ACYP2: variants seen among roughly 807,000 people sequenced by gnomAD.
The protein encoded by ACYP2 is acylphosphatase-2.
A neutral mutation model predicts 11.2 loss-of-function variants in ACYP2; 12 were observed. The ratio of observed to expected loss-of-function variants is 1.08; its 90% CI spans 0.69 to 1.74. The LOEUF (loss-of-function observed/expected upper bound fraction) is 1.74. Ranked by LOEUF, ACYP2 falls within the 40% of genes most tolerant of loss-of-function variation. The probability of loss-of-function intolerance (pLI) is 0.00; values close to 1 mark genes in which losing one functional copy is unlikely to be tolerated. For synonymous variants in ACYP2, 43 were observed against 32.2 expected, an observed-to-expected ratio of 1.33 and a Z score of -1.13; for missense variants, 134 against 101.9, an observed-to-expected ratio of 1.31 and a Z score of -1.35.
At chr2:54,264,055 G>A (rs1405314290) in intron 6 of ACYP2, among the ~76,000 whole-genome samples, 1 of 152,186 alleles carries the variant, frequency 6.6e-6, no homozygotes, top group African/African-American at 2.4e-5. Flanking sequence ...TGGTCTCACT[G>A]ACTTCAAGAA....
chr2:54,012,303 C>T (rs999528339), intron 2 of ACYP2, among the ~76,000 whole-genome samples: 1 of 151,140 alleles, frequency 6.6e-6, no homozygotes, highest in Non-Finnish European at 1.5e-5. Flanking sequence ...TTTAGGAGTT[C>T]AAGACCAGTC....
intron 4 of ACYP2, among the ~76,000 whole-genome samples, chr2:54,064,833 C>T (rs1253700984): frequency 6.6e-6 from 1 of 152,110 alleles, no homozygotes; most frequent in African/African-American, 2.4e-5. Flanking sequence ...CGCCTGTAAT[C>T]CCAGCACTTT....
chr2:54,084,236 G>A (rs919952983), intron 4 of ACYP2, among the ~76,000 whole-genome samples: 11 of 152,134 alleles, frequency 7.2e-5, no homozygotes, highest in African/African-American at 2.7e-4. Context: ...TATCCATTTA[G>A]GGAATGTCAG....
intron 6 of ACYP2, among the ~76,000 whole-genome samples, chr2:54,300,866 A>G (rs538766983): frequency 1.3e-5 from 2 of 152,354 alleles, no homozygotes; most frequent in African/African-American, 4.8e-5. Flanking sequence ...ACTACTGGAT[A>G]TTATCAAGCT....
intron 6 of ACYP2, among the ~76,000 whole-genome samples, chr2:54,228,333 C>T (rs1159371140): frequency 1.3e-5 from 2 of 152,182 alleles, no homozygotes; most frequent in African/African-American, 4.8e-5. Context: ...CAACAGCTAA[C>T]ATTTATTAAG....
chr2:54,224,252 G>C (rs182054079), intron 6 of ACYP2, among the ~76,000 whole-genome samples: 348 of 152,348 alleles, frequency 2.3e-3, no homozygotes, highest in African/African-American at 8.2e-3. Context: ...GCTTGTACCT[G>C]TGTTCAGCAG....
chr2:53,980,528 G>A (rs1671699901), intron 2 of ACYP2, among the ~76,000 whole-genome samples: 1 of 152,002 alleles, frequency 6.6e-6, no homozygotes, highest in African/African-American at 2.4e-5. Context: ...ATCAGGCTGG[G>A]CAACGTGGTG....
intron 6 of ACYP2, among the ~76,000 whole-genome samples, chr2:54,210,272 C>G (rs1180637043): frequency 6.6e-6 from 1 of 151,932 alleles, no homozygotes; most frequent in Non-Finnish European, 1.5e-5. Context: ...AGATCCCATC[C>G]TCTTTTAGAA....
At chr2:54,150,330 G>A (rs375632976) in intron 6 of ACYP2, among the ~76,000 whole-genome samples, 132 of 152,326 alleles carry the variant, frequency 8.7e-4, no homozygotes, top group African/African-American at 2.8e-3. Context: ...CAGACAAGCC[G>A]AGGGTGTTGT....
intron 6 of ACYP2, among the ~76,000 whole-genome samples, chr2:54,252,184 C>G (rs1271099235): frequency 2.6e-5 from 4 of 152,204 alleles, no homozygotes; most frequent in Admixed American, 6.5e-5. Flanking sequence ...TGTACTCTGT[C>G]TGGCTTCTTA....
At chr2:54,049,271 A>G (rs1474627492) in intron 2 of ACYP2, among the ~76,000 whole-genome samples, 1 of 151,998 alleles carries the variant, frequency 6.6e-6, no homozygotes, top group Non-Finnish European at 1.5e-5. Flanking sequence ...AAAAATAATA[A>G]TAATAATAAT....
chr2:54,219,328 A>G (rs1316131579), intron 6 of ACYP2, among the ~76,000 whole-genome samples: 1 of 152,146 alleles, frequency 6.6e-6, no homozygotes, highest in African/African-American at 2.4e-5. Context: ...GAATCATTAG[A>G]CCAGCTTAGC....
intron 6 of ACYP2, among the ~76,000 whole-genome samples, chr2:54,174,094 T>A (rs976691356): frequency 6.6e-6 from 1 of 152,208 alleles, no homozygotes; most frequent in Non-Finnish European, 1.5e-5. Context: ...TTGATGGAGA[T>A]GGCATTGAAT....
chr2:54,300,522 G>T (rs1027461513), intron 6 of ACYP2, among the ~76,000 whole-genome samples: 1 of 152,230 alleles, frequency 6.6e-6, no homozygotes, highest in African/African-American at 2.4e-5. Context: ...ACTGTGAAGG[G>T]TCTTCCCAGT....
At chr2:54,085,347 G>C (rs972214745) in intron 4 of ACYP2, among the ~76,000 whole-genome samples, 2 of 152,208 alleles carry the variant, frequency 1.3e-5, no homozygotes, top group Non-Finnish European at 1.5e-5. Context: ...ACTGTCCGGG[G>C]CTGGTTGTCA....
chr2:54,090,818 C>T (rs1215259799), intron 4 of ACYP2, among the ~76,000 whole-genome samples: 1 of 152,182 alleles, frequency 6.6e-6, no homozygotes, highest in African/African-American at 2.4e-5. Flanking sequence ...TCCTGGGCCA[C>T]TCCATGCACG....
chr2:54,277,816 C>T (rs889651689), intron 6 of ACYP2, among the ~76,000 whole-genome samples: 2 of 151,998 alleles, frequency 1.3e-5, no homozygotes, highest in African/African-American at 4.8e-5. Flanking sequence ...TTTTACCTTA[C>T]CTTTATGTAA....
intron 6 of ACYP2, among the ~76,000 whole-genome samples, chr2:54,206,929 T>C (rs1685096053): frequency 6.6e-6 from 1 of 152,044 alleles, no homozygotes; most frequent in Non-Finnish European, 1.5e-5. Context: ...TTACATAATA[T>C]TAGGATGAAT....
At position 54,255,840 on chromosome 2, in the gene ACYP2, C is replaced by A. The variant is rs114346583; in HGVS notation, c.405-48848C>A. The A allele has an allele frequency of 1.2e-3, 1,982 of 1,613,926 alleles. 2 individuals carry two copies. Among genetic ancestry groups the A allele is most frequent in the Middle Eastern group, 6.9e-3 (42 of 6,060 alleles). On this transcript the variant is annotated intron_variant, in intron 6 of 6. Coordinates refer to ENST00000607452, the MANE Select transcript of ACYP2 (RefSeq NM_001320586.2). ...TTTTGAGGCTGCCGTCAGTTGTCAG[C>A]GAGGCAGAGGCCGCTTCTAGGCCCT...
Sources: allele counts gnomAD v4.1 joint callset (sites outside exome capture counted in the v4.1 genomes callset), GRCh38; gene constraint gnomAD v4.1.1; transcripts MANE v1.5; gene names NCBI Gene and HGNC (gene_info 2026-07-23, HGNC 2026-07-21).